ZRANB3: variants seen among roughly 807,000 people sequenced by gnomAD.
ZRANB3 encodes the protein zinc finger RANBP2-type containing 3.
A neutral mutation model predicts 133.8 loss-of-function variants in ZRANB3; 125 were observed. The observed-to-expected ratio is 0.93, with a 90% CI of 0.81 to 1.08. The LOEUF (loss-of-function observed/expected upper bound fraction) is 1.08, where lower values mean the gene tolerates loss of function less well. Ranked by LOEUF, ZRANB3 falls within the 50% of genes least tolerant of loss-of-function variation. The pLI is 0.00. For synonymous variants in ZRANB3, 387 were observed against 432.7 expected (o/e 0.89, Z 1.31); for missense variants, 1,229 against 1,275.5 (o/e 0.96, Z 0.56).
intron 2 of ZRANB3, among the ~76,000 whole-genome samples, chr2:135,395,909 A>T (rs1687467835): frequency 6.6e-6 from 1 of 152,218 alleles, no homozygotes; most frequent in Non-Finnish European, 1.5e-5. Context: ...AAATATTTGC[A>T]AACTATCCAT....
At chr2:135,501,268 T>C (rs1692929550) in intron 2 of ZRANB3, among the ~76,000 whole-genome samples, 1 of 152,108 alleles carries the variant, frequency 6.6e-6, no homozygotes, top group Non-Finnish European at 1.5e-5. Context: ...CACTCACCAA[T>C]GAAGACACCC....
intron 3 of ZRANB3, among the ~76,000 whole-genome samples, chr2:135,371,804 A>G (rs981760207): frequency 2.0e-5 from 3 of 152,182 alleles, no homozygotes; most frequent in Non-Finnish European, 2.9e-5. Flanking sequence ...CCCTGAATGT[A>G]TCAGGAGGTG....
At chr2:135,411,101 G>A (rs1002714008) in intron 2 of ZRANB3, among the ~76,000 whole-genome samples, 9 of 152,132 alleles carry the variant, frequency 5.9e-5, no homozygotes, top group East Asian at 3.9e-4. Flanking sequence ...TTATCTGGGC[G>A]TGATGGTGCA....
chr2:135,428,426 CAAAAAAAAAAAAAA>C (rs34645774), intron 2 of ZRANB3, among the ~76,000 whole-genome samples: 1 of 75,242 alleles, frequency 1.3e-5, no homozygotes, highest in African/African-American at 4.5e-5. Context: ...ACTTTGTTTC[CAAAAAAAAAAAAAA>C]AAAAAAAAAT....
intron 8 of ZRANB3, among the ~76,000 whole-genome samples, chr2:135,282,159 AACTT>A: frequency 6.6e-6 from 1 of 152,244 alleles, no homozygotes; most frequent in Admixed American, 6.5e-5. Context: ...GTTCCTTAAT[AACTT>A]ATTTATTTTG....
chr2:135,483,642 G>A (rs1480601411), intron 2 of ZRANB3, among the ~76,000 whole-genome samples: 1 of 151,834 alleles, frequency 6.6e-6, no homozygotes, highest in South Asian at 2.1e-4. Flanking sequence ...AATATTTCTT[G>A]CCTTCTGCTA....
Position 135,331,255 on chromosome 2 carries a change from C to T in ZRANB3, c.677+14295G>A, listed in dbSNP as rs181771135. On this transcript the variant is annotated intron_variant, in intron 6 of 20. Transcript: ENST00000264159. ...TAAATGTGTCCCAGAGATTCTGGTA[C>T]GTTGTGCCTTTTTTCTCATTGGTTT... 4.2e-4 allele frequency among the ~76,000 whole-genome samples: 64 copies of T among 152,162 alleles called. 1 individual carries two copies. Among genetic ancestry groups the T allele is most frequent in the African/African-American group, 1.4e-3 (57 of 41,544 alleles).
chr2:135,269,235 A>G lies in ZRANB3; in HGVS notation c.1207-94T>C. The G allele has an allele frequency of 2.9e-6, 3 of 1,030,492 alleles. No individual in the cohort carries two copies. The East Asian group carries it at 9.2e-5, about 32-fold the overall frequency. The allele number at this position is 1,030,492 out of a possible 1,614,324, so 63.8% of individuals were successfully genotyped here. The stretch of plus-strand genomic sequence containing the variant: ...CATGTTAAATGGAGAACACTGAAGG[A>G]CTTGAAAACAAATTAGTTGTCTATT... On this transcript the variant is annotated intron_variant, in intron 10 of 20. Transcript: ENST00000264159.
At chr2:135,361,354 C>G (rs1314596155) in intron 3 of ZRANB3, among the ~76,000 whole-genome samples, 1 of 152,184 alleles carries the variant, frequency 6.6e-6, no homozygotes, top group African/African-American at 2.4e-5. Flanking sequence ...ACATTAACCT[C>G]AAGAACACAT....
chr2:135,448,330 T>A (rs1270404665), intron 2 of ZRANB3, among the ~76,000 whole-genome samples: 2 of 152,204 alleles, frequency 1.3e-5, no homozygotes, highest in African/African-American at 4.8e-5. Context: ...ATCAATAAAA[T>A]GTTGACATTT....
chr2:135,297,138 C>T (rs1682164577), intron 8 of ZRANB3, among the ~76,000 whole-genome samples: 1 of 152,244 alleles, frequency 6.6e-6, no homozygotes. Context: ...GCAGTGGTTA[C>T]TGCTGCCTTT....
chr2:135,333,375 C>A (rs778509642), intron 6 of ZRANB3, among the ~76,000 whole-genome samples: 4 of 151,980 alleles, frequency 2.6e-5, no homozygotes, highest in Non-Finnish European at 5.9e-5. Flanking sequence ...AGGGAAAGTA[C>A]AAAACAATGT....
chr2:135,348,416 G>T (rs1685045800), intron 5 of ZRANB3, among the ~76,000 whole-genome samples: 1 of 151,986 alleles, frequency 6.6e-6, no homozygotes, highest in Non-Finnish European at 1.5e-5. Flanking sequence ...CACAAAATTG[G>T]TATTTACCCT....
chr2:135,470,304 A>G (rs1426858620), intron 2 of ZRANB3, among the ~76,000 whole-genome samples: 2 of 151,894 alleles, frequency 1.3e-5, no homozygotes, highest in Admixed American at 6.6e-5. Context: ...AACCTGGGTG[A>G]CAGAGTGAGA....
Position 135,230,880 on chromosome 2 carries a change from T to A in ZRANB3, c.1587A>T (p.Gln529His). 6.3e-7 allele frequency: 1 copy of A among 1,588,132 alleles called. No homozygotes were observed. Among genetic ancestry groups the A allele is most frequent in the Non-Finnish European group, 8.5e-7 (1 of 1,170,006 alleles). Residue 529 changes from glutamine (Q) to histidine (H), a missense_variant, in exon 13 of 21, where the codon CAA becomes CAT. By Grantham distance (24) the Gln-to-His change is conservative. Transcript: ENST00000264159. ...AGGTCATCAACTGTCTTTTTTTAGG[T>A]TGTGGTACAAAAAATGATCGAATAT... ...QHDIRSFFVP[Q>H]PKKRQLMTSC... is the part of the protein sequence containing the mutation.
intron 3 of ZRANB3, among the ~76,000 whole-genome samples, chr2:135,358,078 A>C (rs1685515674): frequency 6.6e-6 from 1 of 152,152 alleles, no homozygotes; most frequent in South Asian, 2.1e-4. Context: ...GATATCTGTA[A>C]ACAATTTCTT....
intron 12 of ZRANB3, among the ~76,000 whole-genome samples, chr2:135,233,333 T>C (rs1695122435): frequency 6.6e-6 from 1 of 152,170 alleles, no homozygotes; most frequent in Admixed American, 6.5e-5. Flanking sequence ...TACCTGAAAC[T>C]GATGGGGAGA....
intron 12 of ZRANB3, among the ~76,000 whole-genome samples, chr2:135,252,800 A>C (rs1350008511): frequency 6.6e-6 from 1 of 152,140 alleles, no homozygotes; most frequent in East Asian, 1.9e-4. Flanking sequence ...CTGTTGTTTC[A>C]ATTTGTCCTC....
At chr2:135,315,736 G>T (rs1683218330) in intron 6 of ZRANB3, among the ~76,000 whole-genome samples, 1 of 152,208 alleles carries the variant, frequency 6.6e-6, no homozygotes, top group African/African-American at 2.4e-5. Context: ...GAAGATGTTA[G>T]TGTCTAAGCA....
Sources: allele counts gnomAD v4.1 joint callset (sites outside exome capture counted in the v4.1 genomes callset), GRCh38; gene constraint gnomAD v4.1.1; transcripts MANE v1.5; gene names NCBI Gene and HGNC (gene_info 2026-07-23, HGNC 2026-07-21).